Variants in DCTN1 observed in about 807,000 individuals in gnomAD.
DCTN1 encodes the protein dynactin subunit 1.
In DCTN1, 61 loss-of-function variants were observed where a neutral mutation model predicts 161.2. That is an observed-to-expected ratio of 0.38 (90% CI 0.31 to 0.47). The LOEUF (loss-of-function observed/expected upper bound fraction) is 0.47. DCTN1 is among the 20% of genes least tolerant of loss of function. The pLI, the probability that DCTN1 is intolerant of heterozygous loss-of-function variation, is 0.99. For missense variants in DCTN1, 1,404 were observed against 1,623.7 expected, an observed-to-expected ratio of 0.86 and a Z score of 2.33; for synonymous variants, 653 against 632.4, an observed-to-expected ratio of 1.03 and a Z score of -0.49.
chr2:74,376,838 AC>A, intron 4 of DCTN1, 76 bp from the exon 5 acceptor site: 1 of 1,429,372 alleles, frequency 7.0e-7, no homozygotes. Context: ...ACTCGGGCTT[AC>A]ACAGGTTAGA....
chr2:74,369,887 C>T lies in DCTN1; in HGVS notation c.1392+78G>A. On this transcript the variant is annotated intron_variant, in intron 13 of 31. Transcript: ENST00000628224. The surrounding 1 kb of genome is among the most constrained non-coding windows in gnomAD (Gnocchi z 4.9). The stretch of plus-strand genomic sequence containing the variant: ...GCTGGGTCCCTCACCGCACACCCTG[C>T]TCAAAGGCCAAGGGTCACATGTCAA... The T allele has an allele frequency of 2.1e-6, 3 of 1,459,026 alleles. No homozygotes were observed. The highest frequency in any genetic ancestry group is 2.9e-6 in the Non-Finnish European group (3 of 1,043,462). The allele number at this position is 1,459,026 out of a possible 1,614,324, so 90.4% of individuals were successfully genotyped here. A position where few individuals can be genotyped will look rare whatever the true frequency, so the allele number is the denominator to read the frequency against.
intron 26 of DCTN1, chr2:74,364,786 A>C: frequency 4.3e-6 from 2 of 461,788 alleles, no homozygotes; most frequent in East Asian, 4.5e-5. Context: ...GCTGGGCAGA[A>C]AGGTCAGATT....
At chr2:74,365,407 T>G (rs997458348) in intron 25 of DCTN1, 108 bp downstream of exon 25, 7 of 1,575,594 alleles carry the variant, frequency 4.4e-6, no homozygotes, top group Non-Finnish European at 6.1e-6. Context: ...GTAAAGAAAA[T>G]GGGGAGTCTC....
chr2:74,372,006 C>A (rs1185930079), intron 7 of DCTN1: 2 of 430,210 alleles, frequency 4.6e-6, no homozygotes, highest in African/African-American at 4.0e-5. Flanking sequence ...TAAGGCTCCT[C>A]GCTTGGCACT....
At chr2:74,364,042 A>C in intron 26 of DCTN1, 1 of 265,322 alleles carries the variant, frequency 3.8e-6, no homozygotes, top group Non-Finnish European at 7.4e-6. Flanking sequence ...ATGCAAACAC[A>C]CTCCCTTGCT....
Position 74,369,504 on chromosome 2 carries a change from A to G in DCTN1, c.1393-13T>C, listed in dbSNP as rs1674672543. 1.2e-6 allele frequency: 2 copies of G among 1,610,602 alleles called. No homozygotes were observed. Among genetic ancestry groups the G allele is most frequent in the Non-Finnish European group, 1.7e-6 (2 of 1,179,910 alleles). ...CATTCATCGCTTCCTAGGACACCAC[A>G]CCATAGTTTGGGCTAAAGAAAGGCA... On this transcript the variant is annotated splice_polypyrimidine_tract_variant and intron_variant, in intron 13 of 31. Transcript: ENST00000628224. This position sits in a 1 kb window ranked among gnomAD's most constrained non-coding sequence, Gnocchi z 4.9.
chr2:74,369,043 C>G lies in DCTN1; in HGVS notation c.1701+55G>C. ...TTCCCCCAGGAATCTGAAGCCCAGACCCCATACCAGTTCATCCCAGGCAGG... is the reference window on the plus strand; with the variant it reads ...TTCCCCCAGGAATCTGAAGCCCAGAGCCCATACCAGTTCATCCCAGGCAGG... On this transcript the variant is annotated intron_variant, in intron 15 of 31. Coordinates refer to ENST00000628224, the MANE Select transcript of DCTN1 (RefSeq NM_004082.5). This position sits in a 1 kb window ranked among gnomAD's most constrained non-coding sequence, Gnocchi z 4.9. The G allele has an allele frequency of 6.5e-7, 1 of 1,548,934 alleles. No homozygotes were observed. Among genetic ancestry groups the G allele is most frequent in the Non-Finnish European group, 8.9e-7 (1 of 1,127,160 alleles).
chr2:74,368,238 A>G lies in DCTN1; in HGVS notation c.1855-107T>C, dbSNP rs1008273073. On this transcript the variant is annotated intron_variant, in intron 16 of 31. Coordinates refer to ENST00000628224, the MANE Select transcript of DCTN1 (RefSeq NM_004082.5). Reference sequence around the variant, plus strand: ...AACTATGTGGGGAGCATGGACACACATGGGAGAGAAAGCAGAAATAGCTCT... The same window carrying G: ...AACTATGTGGGGAGCATGGACACACGTGGGAGAGAAAGCAGAAATAGCTCT... The G allele has an allele frequency of 1.9e-5, 27 of 1,444,030 alleles. No homozygotes were observed. In the Admixed American group the frequency reaches 4.8e-4, roughly 26 times the overall value. 89.5% of individuals were successfully genotyped at this position (1,444,030 alleles called of 1,614,324 possible).
At chr2:74,363,718 T>G (rs1674197364) in intron 26 of DCTN1, 90 bp from the exon 27 acceptor site, 4 of 1,543,110 alleles carry the variant, frequency 2.6e-6, no homozygotes, top group Non-Finnish European at 2.7e-6. Flanking sequence ...AGAGGAATCC[T>G]GGACACAACC....
chr2:74,377,156 A>G (rs995463101), intron 4 of DCTN1, among the ~76,000 whole-genome samples: 1 of 152,160 alleles, frequency 6.6e-6, no homozygotes, highest in African/African-American at 2.4e-5. Context: ...GAAGTTGGCT[A>G]CACTACTAGG....
chr2:74,367,767 G>A lies in DCTN1; in HGVS notation c.2113C>T (p.Leu705=), dbSNP rs779351464. 1.9e-6 allele frequency: 3 copies of A among 1,614,214 alleles called. No homozygotes were observed. Among genetic ancestry groups the A allele is most frequent in the South Asian group, 2.2e-5 (2 of 91,084 alleles). The change falls in exon 18 of 32, where the codon CTG becomes TTG. Residue 705 remains leucine, a synonymous_variant. Coordinates refer to ENST00000628224, the MANE Select transcript of DCTN1 (RefSeq NM_004082.5). ...TCATCCAGCTGATCCTTGTGCAGCA[G>A]TTCAATGAGGAAATCCAAGGAGCGC... ...HERSLDFLIE[L]LHKDQLDETV...
In DCTN1 at chr2:74,378,248, G is replaced by T; in HGVS notation, c.34-3C>A. 1 of 1,605,740 alleles carries T rather than the reference G, an allele frequency of 6.2e-7. No homozygotes were observed. Among genetic ancestry groups the T allele is most frequent in the South Asian group, 1.1e-5 (1 of 91,042 alleles). On this transcript the variant is annotated splice_polypyrimidine_tract_variant and splice_region_variant and intron_variant, in intron 1 of 31. Transcript: ENST00000628224. Reference sequence around the variant, plus strand: ...CTCATCCTGCTGCCGCTGGGCGTCTGAAAGACACAGGTAAACACAGACAGT... The same window carrying T: ...CTCATCCTGCTGCCGCTGGGCGTCTTAAAGACACAGGTAAACACAGACAGT...
intron 6 of DCTN1, 25 bp downstream of exon 6, chr2:74,374,298 G>A (rs1270896653): frequency 1.4e-5 from 21 of 1,540,104 alleles, no homozygotes; most frequent in Non-Finnish European, 1.9e-5. Context: ...CAACCCAGCA[G>A]CAGGACGAGA....
Position 74,366,028 on chromosome 2 carries a change from G to C in DCTN1, c.2761-10C>G, listed in dbSNP as rs1250161034. The C allele has an allele frequency of 6.2e-7, 1 of 1,614,222 alleles. No homozygotes were observed. Among genetic ancestry groups the C allele is most frequent in the Non-Finnish European group, 8.5e-7 (1 of 1,180,036 alleles). ...GTTCAACCGGTGGAGGCTAAGGAATGGTCGGTAGGGGGTGAGAAAGTGAGG... is the reference window on the plus strand; with the variant it reads ...GTTCAACCGGTGGAGGCTAAGGAATCGTCGGTAGGGGGTGAGAAAGTGAGG... On this transcript the variant is annotated splice_polypyrimidine_tract_variant and intron_variant, in intron 23 of 31. Transcript: ENST00000628224.
At chr2:74,381,852 C>T (rs186004058), upstream of DCTN1, among the ~76,000 whole-genome samples, 2 of 152,290 alleles carry the variant, frequency 1.3e-5, no homozygotes, top group Admixed American at 1.3e-4. Flanking sequence ...CAGGACACCG[C>T]CTGGTATTTA....
rs372455297 is a variant in DCTN1, at chr2:74,377,783, C to T, written c.280-57G>A. On this transcript the variant is annotated intron_variant, in intron 2 of 31. Coordinates refer to ENST00000628224, the MANE Select transcript of DCTN1 (RefSeq NM_004082.5). ...AGTTTCAATATAGCCAGATCAAGGA[C>T]GGCTGTAATATGGGCCCCTCCCCAG... The T allele has an allele frequency of 6.6e-5, 102 of 1,547,648 alleles. No homozygotes were observed. In the African/African-American group the frequency reaches 1.1e-3, roughly 16 times the overall value.
At chr2:74,386,000 A>G (rs1394192968) in intron 1 of DCTN1, among the ~76,000 whole-genome samples, 1 of 152,166 alleles carries the variant, frequency 6.6e-6, no homozygotes, top group Non-Finnish European at 1.5e-5. Context: ...AGATGACACA[A>G]TCTCAGCCCA....
At chr2:74,377,376 C>T (rs1675285364) in intron 4 of DCTN1, 56 bp downstream of exon 4, 1 of 1,501,714 alleles carries the variant, frequency 6.7e-7, no homozygotes, top group South Asian at 1.1e-5. Flanking sequence ...GGTATCCCTC[C>T]TCTTTCTCCT....
chr2:74,390,797 A>G (rs1289519258), intron 1 of DCTN1: 2 of 234,398 alleles, frequency 8.5e-6, no homozygotes, highest in African/African-American at 4.5e-5. Flanking sequence ...GCACGCCATT[A>G]AAACTCAAAG....
Sources: allele counts gnomAD v4.1 joint callset (sites outside exome capture counted in the v4.1 genomes callset), GRCh38; gene constraint gnomAD v4.1.1; non-coding constraint Gnocchi (gnomAD v3.1); transcripts MANE v1.5; gene names NCBI Gene and HGNC (gene_info 2026-07-23, HGNC 2026-07-21).